COBL: variants seen among roughly 807,000 people sequenced by gnomAD.
COBL encodes cordon-bleu WH2 repeat protein.
Under a neutral mutation model 98.8 loss-of-function variants are expected in COBL, and 51 were observed. The observed-to-expected ratio is 0.52, with a 90% confidence interval of 0.41 to 0.65. COBL has a LOEUF of 0.65. Among genes scored for constraint, COBL ranks in the 30% least tolerant of loss-of-function variants. The pLI is 0.00. For synonymous variants in COBL, 634 were observed against 651.7 expected, an observed-to-expected ratio of 0.97 and a Z score of 0.41; for missense variants, 1,617 against 1,617.5, an observed-to-expected ratio of 1.00 and a Z score of 0.01.
chr7:51,143,756 A>AG (rs1169842153), intron 5 of COBL, among the ~76,000 whole-genome samples: 6 of 152,250 alleles, frequency 3.9e-5, no homozygotes, highest in Admixed American at 3.9e-4. Context: ...TCATGAGTGG[A>AG]GGAAAAAAGC....
rs1796212405 is a variant in COBL at position 51,245,526 on chromosome 7, A to T, written c.42-25582T>A. ...GCTAACAGCAGCTTGCTGAAGTGTG[A>T]GCTCAACAGGTATCTGTCCAATGAA... On this transcript the variant is annotated intron_variant, in intron 1 of 12. Transcript: ENST00000265136. Among the ~76,000 whole-genome samples, 5 of 152,346 alleles carry T rather than the reference A, an allele frequency of 3.3e-5. No homozygotes were observed. The South Asian group carries it at 1.0e-3, about 32-fold the overall frequency.
intron 1 of COBL, among the ~76,000 whole-genome samples, chr7:51,260,504 T>C (rs547916254): frequency 6.6e-6 from 1 of 152,178 alleles, no homozygotes; most frequent in Non-Finnish European, 1.5e-5. Context: ...GAAACACAGA[T>C]AAACAAACAC....
rs202055778 is a variant in COBL, at chr7:51,085,299, A to C, written c.963T>G (p.Ser321=). ...PVQDKASEKV[S]LGSQIDLQKK... is the part of the protein sequence containing the mutation. ...TCTGTAAATCAATCTGTGACCCAAG[A>C]GATACCTATGAAGTACAAAGAAGGA... The change falls in exon 7 of 13, where the codon TCT becomes TCG. Residue 321 remains serine, a synonymous_variant. Coordinates refer to ENST00000265136, the MANE Select transcript of COBL (RefSeq NM_015198.5). The C allele has an allele frequency of 5.8e-6, 9 of 1,557,548 alleles. No individual in the cohort carries two copies. The East Asian group carries it at 1.9e-4, about 32-fold the overall frequency.
intron 5 of COBL, among the ~76,000 whole-genome samples, chr7:51,168,470 A>G (rs918561788): frequency 4.6e-5 from 7 of 152,162 alleles, no homozygotes; most frequent in Non-Finnish European, 1.0e-4. Flanking sequence ...TTAAATAGAC[A>G]TTTCTCAAAA....
chr7:51,017,359 G>A lies in COBL; in HGVS notation c.*192C>T, dbSNP rs1786372456. On this transcript the variant is annotated 3_prime_UTR_variant, in exon 13 of 13. Coordinates refer to ENST00000265136, the MANE Select transcript of COBL (RefSeq NM_015198.5). Reference sequence around the variant, plus strand: ...CACATTTCCTTGGCACACGAGCTGCGCAGCGACACAGCATCTTCTCCTTTC... The same window carrying A: ...CACATTTCCTTGGCACACGAGCTGCACAGCGACACAGCATCTTCTCCTTTC... 1.1e-5 allele frequency: 7 copies of A among 627,600 alleles called. No individual in the cohort carries two copies. The highest frequency in any genetic ancestry group is 8.1e-5 in the East Asian group (3 of 36,816). The allele number at this position is 627,600 out of a possible 1,614,324, so 38.9% of individuals were successfully genotyped here.
rs749059026 is a variant in COBL, at chr7:51,029,432, C to A, written c.1664G>T (p.Gly555Val). The change falls in exon 10 of 13, where the codon GGG (glycine) becomes GTG (valine). Residue 555 changes from glycine (G) to valine (V), a missense_variant. Gly to Val is a moderately radical substitution (Grantham distance 109). This residue lies in a region of COBL where 1,304 missense variants were observed against 1,282.0 expected (regional missense o/e 1.02). Transcript: ENST00000265136. The part of the protein sequence containing the change: ...GEVSDDPVDS[G>V]LFSNRNNNAG... ...ATTGTTGTTTCTATTGGAAAACAACCCCGAATCCACAGGATCATCTGAAAC... is the reference window on the plus strand; with the variant it reads ...ATTGTTGTTTCTATTGGAAAACAACACCGAATCCACAGGATCATCTGAAAC... 1.2e-6 allele frequency: 2 copies of A among 1,613,958 alleles called. No individual in the cohort carries two copies. Among genetic ancestry groups the A allele is most frequent in the Non-Finnish European group, 1.7e-6 (2 of 1,180,030 alleles).
At chr7:51,277,242 G>A (rs928034319) in intron 1 of COBL, among the ~76,000 whole-genome samples, 5 of 152,152 alleles carry the variant, frequency 3.3e-5, no homozygotes, top group Non-Finnish European at 5.9e-5. Flanking sequence ...CTGCTCTCAC[G>A]GAAGCCTGAG....
intron 10 of COBL, among the ~76,000 whole-genome samples, chr7:51,027,070 T>A (rs1410589660): frequency 1.3e-5 from 2 of 152,208 alleles, no homozygotes; most frequent in Non-Finnish European, 2.9e-5. Context: ...CCGATGTGTG[T>A]GTTTACATCT....
chr7:51,123,064 C>A (rs1055395858), intron 6 of COBL, among the ~76,000 whole-genome samples: 1 of 152,080 alleles, frequency 6.6e-6, no homozygotes, highest in Non-Finnish European at 1.5e-5. Flanking sequence ...CTGAAAGAAT[C>A]CTACTTGTTT....
At chr7:51,268,145 T>G (rs369523446) in intron 1 of COBL, among the ~76,000 whole-genome samples, 1 of 152,182 alleles carries the variant, frequency 6.6e-6, no homozygotes, top group African/African-American at 2.4e-5. Context: ...GGGGCACTGT[T>G]CTCGCCCACT....
At chr7:51,190,807 C>T (rs779986669) in intron 4 of COBL, 43 bp downstream of exon 4, 33 of 1,525,778 alleles carry the variant, frequency 2.2e-5, no homozygotes, top group African/African-American at 2.7e-5. Context: ...GCCGCGCATC[C>T]GTGTGATTAT....
intron 7 of COBL, chr7:51,073,397 A>T (rs890134091): frequency 1.5e-6 from 1 of 676,390 alleles, no homozygotes; most frequent in African/African-American, 1.8e-5. Flanking sequence ...TGCGGGGGGA[A>T]AATAAATGGC....
At chr7:51,306,800 G>A (rs1802515810) in intron 1 of COBL, among the ~76,000 whole-genome samples, 2 of 152,138 alleles carry the variant, frequency 1.3e-5, no homozygotes, top group Non-Finnish European at 2.9e-5. Context: ...TCCTATACCA[G>A]GAATAAGTCG....
intron 7 of COBL, among the ~76,000 whole-genome samples, chr7:51,081,427 T>C (rs1455232142): frequency 3.9e-5 from 6 of 152,098 alleles, no homozygotes; most frequent in Non-Finnish European, 5.9e-5. Flanking sequence ...GCCACTTCGC[T>C]CTCCTTCCGG....
intron 2 of COBL, among the ~76,000 whole-genome samples, chr7:51,205,647 G>GT (rs11463515): frequency 0.54 from 77,138 of 142,354 alleles, 21,115 homozygotes; most frequent in Non-Finnish European, 0.62. Flanking sequence ...TTGGTTTTTT[G>GT]TTTTTTTTTT....
chr7:51,133,815 AATAC>A (rs777429713), intron 6 of COBL, among the ~76,000 whole-genome samples: 1 of 152,266 alleles, frequency 6.6e-6, no homozygotes, highest in Non-Finnish European at 1.5e-5. Context: ...TCAAATTATG[AATAC>A]ATAATCAGGT....
At chr7:51,117,735 C>T (rs943118115) in intron 6 of COBL, among the ~76,000 whole-genome samples, 8 of 152,134 alleles carry the variant, frequency 5.3e-5, no homozygotes, top group Admixed American at 1.3e-4. Context: ...TCGAATAGGT[C>T]GCATTTTCCT....
intron 4 of COBL, among the ~76,000 whole-genome samples, chr7:51,185,487 C>T (rs981886920): frequency 5.3e-5 from 8 of 152,206 alleles, no homozygotes; most frequent in Non-Finnish European, 1.0e-4. Flanking sequence ...AGCACGCAGA[C>T]GGCACTCACA....
Position 51,028,107 on chromosome 7 carries a change from C to T in COBL, c.2989G>A (p.Gly997Arg), listed in dbSNP as rs1187340498. 2 of 1,614,134 alleles carry T rather than the reference C, an allele frequency of 1.2e-6. No homozygotes were observed. Among genetic ancestry groups the T allele is most frequent in the South Asian group, 2.2e-5 (2 of 91,076 alleles). ...TCCTGGCTACTTGTGCTTTGCTTTC[C>T]ACTGAAACCACAGCTCTGTCCCACA... Reference protein sequence around the residue: ...VSVGQSCGFSGKQSTSSQEAS... With the variant: ...VSVGQSCGFSRKQSTSSQEAS... The change falls in exon 10 of 13, where the codon GGA becomes AGA. Residue 997 changes from glycine (G) to arginine (R), a missense_variant. Physicochemically the swap from Gly to Arg is moderately radical, Grantham distance 125. Coordinates refer to ENST00000265136, the MANE Select transcript of COBL (RefSeq NM_015198.5).
Sources: gnomAD v4.1 joint callset for allele counts (sites outside exome capture counted in the v4.1 genomes callset) on GRCh38, gnomAD v4.1.1 for gene constraint, gnomAD v4.1.1 regional missense constraint, MANE v1.5 for transcripts, NCBI Gene and HGNC (gene_info 2026-07-23, HGNC 2026-07-21) for gene names.